PRMT9: variants seen among roughly 807,000 people sequenced by gnomAD.
The protein encoded by PRMT9 is protein arginine N-methyltransferase 9.
Under a neutral mutation model 83.2 loss-of-function variants are expected in PRMT9, and 59 were observed. The observed-to-expected ratio is 0.71, with a 90% CI of 0.57 to 0.88. The LOEUF is 0.88. Among genes scored for constraint, PRMT9 ranks in the 40% least tolerant of loss-of-function variants. The pLI, the probability that PRMT9 is intolerant of heterozygous loss-of-function variation, is 0.00. For missense variants in PRMT9, 947 were observed against 1,021.9 expected (o/e 0.93, Z 1.00); for synonymous variants, 333 against 353.2 (o/e 0.94, Z 0.64).
At chr4:147,676,395 T>G (rs1172492568) in intron 2 of PRMT9, among the ~76,000 whole-genome samples, 1 of 152,224 alleles carries the variant, frequency 6.6e-6, no homozygotes, top group Non-Finnish European at 1.5e-5. Context: ...AATATAGATT[T>G]TTTTAACTAA....
At chr4:147,639,312 T>C (rs1321904488) in intron 10 of PRMT9, 1 of 454,330 alleles carries the variant, frequency 2.2e-6, no homozygotes, top group Non-Finnish European at 4.0e-6. Context: ...AAACCAAGGT[T>C]TAGGCAGGTT....
chr4:147,658,633 TG>T (rs762778145), intron 7 of PRMT9, among the ~76,000 whole-genome samples: 5 of 152,140 alleles, frequency 3.3e-5, no homozygotes, highest in Non-Finnish European at 5.9e-5. Context: ...CGGGGGTAAA[TG>T]GCAGCTACAA....
At chr4:147,672,864 T>C in intron 4 of PRMT9, 95 bp downstream of exon 4, 1 of 951,540 alleles carries the variant, frequency 1.1e-6, no homozygotes. Flanking sequence ...AATAAGGGTT[T>C]TGTAGCATTT....
At position 147,661,014 on chromosome 4, in the gene PRMT9, A is replaced by G; in HGVS notation, c.978T>C (p.Gly326=). 6.2e-7 allele frequency: 1 copy of G among 1,612,692 alleles called. No individual in the cohort carries two copies. The highest frequency in any genetic ancestry group is 8.5e-7 in the Non-Finnish European group (1 of 1,178,736). The change falls in exon 7 of 12, where the codon GGT becomes GGC. Residue 326 remains glycine, a synonymous_variant. Coordinates refer to ENST00000322396, the MANE Select transcript of PRMT9 (RefSeq NM_138364.4). ...ATTTCACATTTGTTGGCAAATGGAT[A>G]CCAGCAATGTCCTTAATACCCACTC... The part of the protein sequence containing the change: ...HHRVGIKDIA[G]IHLPTNVKFQ...
At chr4:147,680,869 C>G (rs1233995706) in intron 1 of PRMT9, among the ~76,000 whole-genome samples, 1 of 152,228 alleles carries the variant, frequency 6.6e-6, no homozygotes, top group Non-Finnish European at 1.5e-5. Flanking sequence ...ATTTACATCT[C>G]TAGTCAAGAC....
intron 2 of PRMT9, among the ~76,000 whole-genome samples, chr4:147,677,656 T>C (rs1177528648): frequency 6.6e-6 from 1 of 151,900 alleles, no homozygotes; most frequent in African/African-American, 2.4e-5. Context: ...AGGGTTGCAC[T>C]ATGTTGGCCA....
chr4:147,684,116 C>A lies in PRMT9; in HGVS notation c.-129G>T. On this transcript the variant is annotated 5_prime_UTR_variant, in exon 1 of 12. Coordinates refer to ENST00000322396, the MANE Select transcript of PRMT9 (RefSeq NM_138364.4). ...AGCACAGCAAAGTTACCCTCCGCCG[C>A]GGGTGAACTCGCCAACCCCAGCCCA... 9.1e-7 allele frequency: 1 copy of A among 1,097,694 alleles called. No individual in the cohort carries two copies. 68.0% of individuals were successfully genotyped at this position (1,097,694 alleles called of 1,614,324 possible).
intron 4 of PRMT9, chr4:147,671,774 T>C (rs1382781261): frequency 2.3e-6 from 1 of 443,400 alleles, no homozygotes; most frequent in African/African-American, 2.0e-5. Context: ...CCAATAGATC[T>C]TTCTACAACA....
At chr4:147,650,529 A>T (rs1177295041) in intron 9 of PRMT9, among the ~76,000 whole-genome samples, 7 of 152,248 alleles carry the variant, frequency 4.6e-5, no homozygotes, top group Admixed American at 3.3e-4. Context: ...TTAAAAAAAA[A>T]TTTAAAGACA....
Position 147,681,222 on chromosome 4 carries a change from A to G in PRMT9, c.190-751T>C, listed in dbSNP as rs370506837. Among the ~76,000 whole-genome samples, 22 of 152,286 alleles carry G rather than the reference A, an allele frequency of 1.4e-4. No homozygotes were observed. In the East Asian group the frequency reaches 3.3e-3, roughly 23 times the overall value. The stretch of plus-strand genomic sequence containing the variant: ...TTCAAACCTAGCCAATGCTCTCTCA[A>G]TATCTTTAAATCTGTTACCTCCTCT... On this transcript the variant is annotated intron_variant, in intron 1 of 11. Coordinates refer to ENST00000322396, the MANE Select transcript of PRMT9 (RefSeq NM_138364.4).
Position 147,673,077 on chromosome 4 carries a change from A to G in PRMT9, c.625T>C (p.Ser209Pro). 1.2e-6 allele frequency: 2 copies of G among 1,614,048 alleles called. No homozygotes were observed. Among genetic ancestry groups the G allele is most frequent in the Non-Finnish European group, 1.7e-6 (2 of 1,179,928 alleles). Residue 209 changes from serine to proline, a missense_variant, in exon 4 of 12, where the codon TCC becomes CCC. By Grantham distance (74) the Ser-to-Pro change is moderately conservative. Transcript: ENST00000322396. Reference protein sequence around the residue: ...GAHSVYACELSKTMYELACDV... With the variant: ...GAHSVYACELPKTMYELACDV... ...CAGGCAAGTTCATACATGGTCTTGG[A>G]TAACTCACAGGCATACACGGAATGT...
chr4:147,662,194 G>A (rs1270940754), intron 6 of PRMT9, among the ~76,000 whole-genome samples: 2 of 152,112 alleles, frequency 1.3e-5, no homozygotes, highest in Non-Finnish European at 2.9e-5. Context: ...ATTCCGCAAT[G>A]AGAATAAACA....
chr4:147,659,532 T>C (rs1406887170), intron 7 of PRMT9, among the ~76,000 whole-genome samples: 1 of 151,758 alleles, frequency 6.6e-6, no homozygotes, highest in Non-Finnish European at 1.5e-5. Flanking sequence ...TAAAGATCTT[T>C]AGAGAATTCT....
rs1362090979 is a variant in PRMT9 at position 147,659,964 on chromosome 4, A to G, written c.1146+882T>C. 2.0e-5 allele frequency among the ~76,000 whole-genome samples: 3 copies of G among 152,300 alleles called. No homozygotes were observed. The East Asian group carries it at 5.8e-4, about 29-fold the overall frequency. ...ATAAGCTTCTCTTGCTTTTCCTAGGAATGTCTTAGTTTCAAAATAGAAAGT... is the reference window on the plus strand; with the variant it reads ...ATAAGCTTCTCTTGCTTTTCCTAGGGATGTCTTAGTTTCAAAATAGAAAGT... On this transcript the variant is annotated intron_variant, in intron 7 of 11. Coordinates refer to ENST00000322396, the MANE Select transcript of PRMT9 (RefSeq NM_138364.4).
At chr4:147,662,002 A>G (rs1454941508) in intron 6 of PRMT9, among the ~76,000 whole-genome samples, 1 of 152,140 alleles carries the variant, frequency 6.6e-6, no homozygotes, top group Non-Finnish European at 1.5e-5. Context: ...GGAACCTCAC[A>G]GTGTTTGGCA....
chr4:147,679,487 C>T (rs774420828), intron 2 of PRMT9, among the ~76,000 whole-genome samples: 40 of 150,854 alleles, frequency 2.7e-4, no homozygotes, highest in Non-Finnish European at 5.2e-4. Flanking sequence ...GTGGCTCACA[C>T]CTGTAATCCC....
In PRMT9 at chr4:147,642,830, C is replaced by G; in HGVS notation, c.2156G>C (p.Arg719Pro). 2 of 1,613,784 alleles carry G rather than the reference C, an allele frequency of 1.2e-6. No homozygotes were observed. Among genetic ancestry groups the G allele is most frequent in the Non-Finnish European group, 1.7e-6 (2 of 1,179,682 alleles). The change falls in exon 10 of 12, where the codon CGT (arginine) becomes CCT (proline). Residue 719 changes from arginine to proline, a missense_variant. Coordinates refer to ENST00000322396, the MANE Select transcript of PRMT9 (RefSeq NM_138364.4). Reference sequence around the variant, plus strand: ...AGGTGCTATATTTAATCCAAGAGTACGTTCTGTTCCTTGAACAGCATTCTC... The same window carrying G: ...AGGTGCTATATTTAATCCAAGAGTAGGTTCTGTTCCTTGAACAGCATTCTC... ...LEENAVQGTE[R>P]TLGLNIAPFI... is the part of the protein sequence containing the mutation.
At chr4:147,668,166 C>T (rs2126623113) in intron 6 of PRMT9, among the ~76,000 whole-genome samples, 1 of 152,160 alleles carries the variant, frequency 6.6e-6, no homozygotes, top group Middle Eastern at 3.4e-3. Context: ...ACTCTGTGTC[C>T]CCACCCAAAT....
intron 4 of PRMT9, 70 bp downstream of exon 4, chr4:147,672,889 G>C: frequency 4.5e-6 from 6 of 1,324,380 alleles, no homozygotes; most frequent in Non-Finnish European, 6.5e-6. Flanking sequence ...TGGACTAAAA[G>C]CTAGAAATAT....
Sources: gnomAD v4.1 joint callset for allele counts (sites outside exome capture counted in the v4.1 genomes callset) on GRCh38, gnomAD v4.1.1 for gene constraint, MANE v1.5 for transcripts, NCBI Gene and HGNC (gene_info 2026-07-23, HGNC 2026-07-21) for gene names.